ASTN2: variants seen among roughly 807,000 people sequenced by gnomAD.
ASTN2 encodes astrotactin 2.
ASTN2 carries 54 observed loss-of-function variants against 139.8 expected under a neutral mutation model. The observed-to-expected ratio is 0.39, with a 90% CI of 0.31 to 0.48. ASTN2 has a LOEUF of 0.48. ASTN2 is among the 20% of genes least tolerant of loss of function. The probability of loss-of-function intolerance (pLI) is 0.95; values close to 1 mark genes in which losing one functional copy is unlikely to be tolerated. For synonymous variants in ASTN2, 756 were observed against 719.5 expected, an observed-to-expected ratio of 1.05 and a Z score of -0.81; for missense variants, 1,565 against 1,725.1, an observed-to-expected ratio of 0.91 and a Z score of 1.64.
chr9:117,091,534 T>C (rs1828705620), intron 5 of ASTN2, among the ~76,000 whole-genome samples: 1 of 152,108 alleles, frequency 6.6e-6, no homozygotes. Flanking sequence ...TGGACAGCTT[T>C]GCAGAAAATA....
chr9:116,985,262 T>C (rs748318278), intron 7 of ASTN2, among the ~76,000 whole-genome samples: 8 of 152,226 alleles, frequency 5.3e-5, no homozygotes, highest in Non-Finnish European at 7.3e-5. Flanking sequence ...CTCCGCATTG[T>C]AGCTGCCGGC....
intron 4 of ASTN2, among the ~76,000 whole-genome samples, chr9:117,101,031 T>C (rs181566832): frequency 9.2e-5 from 14 of 152,336 alleles, no homozygotes; most frequent in South Asian, 2.1e-4. Context: ...ATGGTTATTA[T>C]TGGGAAAAGA....
intron 16 of ASTN2, among the ~76,000 whole-genome samples, chr9:116,675,180 T>C (rs1859431615): frequency 1.3e-5 from 2 of 152,248 alleles, no homozygotes; most frequent in South Asian, 2.1e-4. Context: ...TGGTACTCTA[T>C]TGGTGGGGTA....
chr9:117,272,690 A>G (rs1300363296), intron 2 of ASTN2, among the ~76,000 whole-genome samples: 1 of 152,162 alleles, frequency 6.6e-6, no homozygotes, highest in Non-Finnish European at 1.5e-5. Flanking sequence ...AAGTTCCACA[A>G]ATCTCTAGGG....
At chr9:116,758,146 A>G (rs1268949830) in intron 13 of ASTN2, among the ~76,000 whole-genome samples, 1 of 152,230 alleles carries the variant, frequency 6.6e-6, no homozygotes, top group Non-Finnish European at 1.5e-5. Flanking sequence ...GAATCAAAAT[A>G]GCATGTAGAA....
intron 4 of ASTN2, among the ~76,000 whole-genome samples, chr9:117,122,707 T>G (rs4838231): frequency 0.076 from 11,531 of 152,106 alleles, 758 homozygotes; most frequent in East Asian, 0.19. Context: ...TAAAAGACTT[T>G]ATGAAGTCAA....
chr9:116,628,300 C>G (rs1030953471), intron 17 of ASTN2, among the ~76,000 whole-genome samples: 1 of 152,114 alleles, frequency 6.6e-6, no homozygotes, highest in South Asian at 2.1e-4. Flanking sequence ...ATAAGAGAAT[C>G]CAAGGGAACT....
chr9:116,977,218 C>A (rs1033070064), intron 7 of ASTN2, among the ~76,000 whole-genome samples: 2 of 152,178 alleles, frequency 1.3e-5, no homozygotes, highest in African/African-American at 4.8e-5. Flanking sequence ...AGGTCTTCAC[C>A]ATCCATAAAT....
chr9:117,014,729 C>T (rs10115056), intron 6 of ASTN2, among the ~76,000 whole-genome samples: 147,147 of 152,078 alleles, frequency 0.97, 71,362 homozygotes, highest in East Asian at 1. Context: ...GTCATTAGGG[C>T]GGGTCCTATT....
At chr9:117,022,690 A>G (rs1411565687) in intron 6 of ASTN2, among the ~76,000 whole-genome samples, 1 of 152,104 alleles carries the variant, frequency 6.6e-6, no homozygotes, top group Non-Finnish European at 1.5e-5. Flanking sequence ...TGAAATTCCA[A>G]ATAGTCAAGG....
At chr9:116,913,854 A>G (rs1834376961) in intron 10 of ASTN2, among the ~76,000 whole-genome samples, 1 of 151,856 alleles carries the variant, frequency 6.6e-6, no homozygotes, top group Non-Finnish European at 1.5e-5. Context: ...CTTTCTGTTC[A>G]GTCCTCATGG....
chr9:116,865,501 A>G (rs929398947), intron 10 of ASTN2, among the ~76,000 whole-genome samples: 2 of 149,322 alleles, frequency 1.3e-5, no homozygotes, highest in African/African-American at 5.0e-5. Context: ...AGACTGATCT[A>G]CAGTGCGGGT....
intron 3 of ASTN2, among the ~76,000 whole-genome samples, chr9:117,173,138 C>G (rs1345065358): frequency 1.3e-5 from 2 of 152,086 alleles, no homozygotes; most frequent in African/African-American, 4.8e-5. Context: ...AATAAAGATT[C>G]TTATTACTTA....
At chr9:117,346,461 C>A (rs1012528731) in intron 1 of ASTN2, among the ~76,000 whole-genome samples, 1 of 152,122 alleles carries the variant, frequency 6.6e-6, no homozygotes, top group African/African-American at 2.4e-5. Context: ...ATTTGTCCAA[C>A]CAACTAACCA....
chr9:117,013,486 A>T (rs368357916), intron 6 of ASTN2, among the ~76,000 whole-genome samples: 1,674 of 115,622 alleles, frequency 0.014, 39 homozygotes, highest in African/African-American at 0.046. Flanking sequence ...ATATATATAT[A>T]TTTTTTTTTT....
intron 20 of ASTN2, among the ~76,000 whole-genome samples, chr9:116,443,644 GC>G (rs990057851): frequency 6.6e-6 from 1 of 152,116 alleles, no homozygotes; most frequent in African/African-American, 2.4e-5. Context: ...CTACAGTTAA[GC>G]AAAGTCTAAG....
In ASTN2 at chr9:116,746,983, T is replaced by C. The variant is rs1829255350; in HGVS notation, c.2397-13460A>G. 2.0e-5 allele frequency among the ~76,000 whole-genome samples: 3 copies of C among 152,206 alleles called. No individual in the cohort carries two copies. The East Asian group carries it at 5.8e-4, about 29-fold the overall frequency. ...ATGGCAATGTAGGGGAGACAATCCA[T>C]TCAGCTGTGGTACCGCGATCTCCCT... On this transcript the variant is annotated intron_variant, in intron 13 of 22. Coordinates refer to ENST00000313400, the MANE Select transcript of ASTN2 (RefSeq NM_001365068.1).
intron 1 of ASTN2, among the ~76,000 whole-genome samples, chr9:117,345,496 G>A (rs994474776): frequency 1.3e-5 from 2 of 152,122 alleles, no homozygotes; most frequent in Admixed American, 6.6e-5. Flanking sequence ...GATAGATAAG[G>A]AAACTGTGGC....
At chr9:117,055,274 A>G (rs1242276340) in intron 5 of ASTN2, among the ~76,000 whole-genome samples, 1 of 152,254 alleles carries the variant, frequency 6.6e-6, no homozygotes, top group East Asian at 1.9e-4. Flanking sequence ...TGCTGGGGAT[A>G]TAGCAGGTAC....
Sources: allele counts gnomAD v4.1 joint callset (sites outside exome capture counted in the v4.1 genomes callset), GRCh38; gene constraint gnomAD v4.1.1; transcripts MANE v1.5; gene names NCBI Gene and HGNC (gene_info 2026-07-23, HGNC 2026-07-21).